The following SBF2 variants were observed in gnomAD, a reference collection of about 807,000 sequenced individuals.
SBF2 encodes the protein SET binding factor 2.
A neutral mutation model predicts 225.2 loss-of-function variants in SBF2; 112 were observed. The ratio of observed to expected loss-of-function variants is 0.50; its 90% CI spans 0.43 to 0.58. The LOEUF (loss-of-function observed/expected upper bound fraction) is 0.58, where lower values mean the gene tolerates loss of function less well. Among genes scored for constraint, SBF2 ranks in the 20% least tolerant of loss-of-function variants. The pLI is 0.00. For missense variants in SBF2, 1,996 were observed against 2,206.2 expected, an observed-to-expected ratio of 0.90 and a Z score of 1.91; for synonymous variants, 763 against 773.3, an observed-to-expected ratio of 0.99 and a Z score of 0.22.
At chr11:10,104,687 T>C (rs1349036360) in intron 2 of SBF2, among the ~76,000 whole-genome samples, 2 of 152,208 alleles carry the variant, frequency 1.3e-5, no homozygotes, top group Non-Finnish European at 2.9e-5. Context: ...TCACATTAGA[T>C]TCTACCAGTG....
chr11:10,202,204 T>C (rs2135356694), intron 1 of SBF2, among the ~76,000 whole-genome samples: 1 of 152,300 alleles, frequency 6.6e-6, no homozygotes, highest in African/African-American at 2.4e-5. Context: ...TGGTTGTACA[T>C]CAACATTTAA....
intron 1 of SBF2, among the ~76,000 whole-genome samples, chr11:10,214,431 G>A (rs1169867285): frequency 1.3e-5 from 2 of 152,110 alleles, no homozygotes; most frequent in East Asian, 3.9e-4. Context: ...AGACCATCCT[G>A]GCTAACACGG....
intron 2 of SBF2, among the ~76,000 whole-genome samples, chr11:10,049,309 A>T (rs531681139): frequency 1.6e-4 from 24 of 152,290 alleles, no homozygotes; most frequent in African/African-American, 3.6e-4. Context: ...TTAAAAAAAA[A>T]TTTTATTTTA....
chr11:10,128,814 T>C (rs1446944267), intron 2 of SBF2, among the ~76,000 whole-genome samples: 1 of 152,238 alleles, frequency 6.6e-6, no homozygotes, highest in Non-Finnish European at 1.5e-5. Flanking sequence ...AAACATTTCA[T>C]CTGTTTAAAA....
chr11:10,061,149 A>G (rs539723516), intron 2 of SBF2, among the ~76,000 whole-genome samples: 3 of 152,368 alleles, frequency 2.0e-5, no homozygotes, highest in Admixed American at 1.3e-4. Context: ...ATAAAATTAA[A>G]TATCCCTTCA....
At chr11:9,939,207 T>TGCCTCA (rs773860338) in intron 16 of SBF2, among the ~76,000 whole-genome samples, 8 of 152,208 alleles carry the variant, frequency 5.3e-5, no homozygotes, top group Non-Finnish European at 1.2e-4. Flanking sequence ...GCGAGTCTCC[T>TGCCTCA]GCCTCAGCCT....
At chr11:9,909,051 T>G (rs532053361) in intron 16 of SBF2, among the ~76,000 whole-genome samples, 3 of 152,080 alleles carry the variant, frequency 2.0e-5, no homozygotes, top group Non-Finnish European at 4.4e-5. Flanking sequence ...CATAAGGCCT[T>G]TTGAGGGCAA....
intron 17 of SBF2, among the ~76,000 whole-genome samples, chr11:9,873,007 C>A (rs1301975981): frequency 6.6e-6 from 1 of 151,670 alleles, no homozygotes. Context: ...GAGATCGAGA[C>A]CTTCCTGGCT....
intron 9 of SBF2, among the ~76,000 whole-genome samples, chr11:9,996,669 G>T (rs1364546246): frequency 6.6e-6 from 1 of 152,142 alleles, no homozygotes; most frequent in Non-Finnish European, 1.5e-5. Flanking sequence ...GATTACAGGC[G>T]TGAGCCACCG....
chr11:10,224,555 T>C (rs1761699359), intron 1 of SBF2, among the ~76,000 whole-genome samples: 2 of 152,184 alleles, frequency 1.3e-5, no homozygotes, highest in South Asian at 4.1e-4. Flanking sequence ...TCACCCACTA[T>C]ATTCCAGCCA....
At chr11:9,956,919 C>G (rs1007358772) in intron 16 of SBF2, 2 of 152,164 alleles carry the variant, frequency 1.3e-5, no homozygotes, top group African/African-American at 4.8e-5. Flanking sequence ...CCATATCCTT[C>G]AAGAGCAGAG....
At chr11:10,193,137 C>G (rs1255253740) in intron 2 of SBF2, among the ~76,000 whole-genome samples, 1 of 151,962 alleles carries the variant, frequency 6.6e-6, no homozygotes, top group Non-Finnish European at 1.5e-5. Context: ...ATTTTAAGAT[C>G]AAATTCAAGC....
chr11:9,951,753 A>G (rs560236160), intron 16 of SBF2, among the ~76,000 whole-genome samples: 1 of 152,350 alleles, frequency 6.6e-6, no homozygotes, highest in East Asian at 1.9e-4. Context: ...GGAAGAGGAC[A>G]GGACAATTAT....
Position 10,028,458 on chromosome 11 carries a change from G to T in SBF2, c.613C>A (p.Gln205Lys). 1 of 1,601,192 alleles carries T rather than the reference G, an allele frequency of 6.2e-7. No individual in the cohort carries two copies. Among genetic ancestry groups the T allele is most frequent in the Non-Finnish European group, 8.6e-7 (1 of 1,168,326 alleles). The stretch of plus-strand genomic sequence containing the variant: ...AATGGGAGAAAAGACATACCCAATT[G>T]CTGGAACAGGAGAGCCACACTAGTG... ...TGTSVALLFQ[Q>K]LGIQNVLSLF... The change falls in exon 6 of 40, where the codon CAA (glutamine) becomes AAA (lysine). Residue 205 changes from glutamine (Q) to lysine (K), a missense_variant. Coordinates refer to ENST00000256190, the MANE Select transcript of SBF2 (RefSeq NM_030962.4).
chr11:9,942,923 GAAAGAAAGAAAGA>G (rs1565039068), intron 16 of SBF2, among the ~76,000 whole-genome samples: 1 of 142,646 alleles, frequency 7.0e-6, no homozygotes, highest in Non-Finnish European at 1.5e-5. Flanking sequence ...AAGAAAGAAA[GAAAGAAAGAAAGA>G]AAGAAGGAAG....
rs1181289108 is a variant in SBF2 at position 10,209,443 on chromosome 11, C to A, written c.56-15456G>T. On this transcript the variant is annotated intron_variant, in intron 1 of 39. Transcript: ENST00000256190. ...TTCTCTCAAACGCAAACTTCCTATC[C>A]TGCAAAAAGCATTACAGATTGTTTA... Among the ~76,000 whole-genome samples the A allele has an allele frequency of 2.6e-5, 4 of 152,126 alleles. No individual in the cohort carries two copies. The East Asian group carries it at 7.7e-4, about 29-fold the overall frequency.
chr11:10,028,353 A>C (rs371843325), intron 6 of SBF2, 99 bp downstream of exon 6: 3 of 814,760 alleles, frequency 3.7e-6, no homozygotes, highest in Admixed American at 1.8e-5. Context: ...TGGTTTAAAA[A>C]ACATTTTCTT....
intron 17 of SBF2, among the ~76,000 whole-genome samples, chr11:9,886,169 C>T (rs1177113690): frequency 6.6e-6 from 1 of 152,132 alleles, no homozygotes; most frequent in Non-Finnish European, 1.5e-5. Context: ...TGTTTTCTTG[C>T]AAAATAAATG....
intron 6 of SBF2, among the ~76,000 whole-genome samples, chr11:10,022,738 C>T (rs1297497271): frequency 2.0e-5 from 3 of 152,092 alleles, no homozygotes; most frequent in African/African-American, 7.2e-5. Context: ...TTTAGTCTCA[C>T]TCTATTAAAA....
Sources: gnomAD v4.1 joint callset for allele counts (sites outside exome capture counted in the v4.1 genomes callset) on GRCh38, gnomAD v4.1.1 for gene constraint, MANE v1.5 for transcripts, NCBI Gene and HGNC (gene_info 2026-07-23, HGNC 2026-07-21) for gene names.